DCC: variants seen among roughly 807,000 people sequenced by gnomAD.
The protein encoded by DCC is DCC netrin 1 receptor, also known as netrin receptor DCC.
A neutral mutation model predicts 172.5 loss-of-function variants in DCC; 58 were observed. That is an observed-to-expected ratio of 0.34 (90% CI 0.27 to 0.42). DCC has a LOEUF of 0.42. Among genes scored for constraint, DCC ranks in the 10% least tolerant of loss-of-function variants. The pLI is 1.00. For synonymous variants in DCC, 709 were observed against 644.5 expected (o/e 1.10, Z -1.52); for missense variants, 1,740 against 1,791.0 (o/e 0.97, Z 0.51).
chr18:52,908,918 GCACA>G (rs149514794), intron 3 of DCC, among the ~76,000 whole-genome samples: 5 of 151,848 alleles, frequency 3.3e-5, no homozygotes, highest in Non-Finnish European at 4.4e-5. Flanking sequence ...ACATGCATGC[GCACA>G]CACACACAGG....
chr18:52,692,182 A>G (rs2145014051), intron 1 of DCC, among the ~76,000 whole-genome samples: 1 of 152,268 alleles, frequency 6.6e-6, no homozygotes, highest in African/African-American at 2.4e-5. Context: ...CCCAAACTAA[A>G]AACAGTAATG....
intron 7 of DCC, among the ~76,000 whole-genome samples, chr18:53,086,016 C>CTTATTATTATTATTATTA (rs2042879696): frequency 2.2e-3 from 2 of 896 alleles, no homozygotes; most frequent in Non-Finnish European, 4.7e-3. Flanking sequence ...CCTTCTCCTT[C>CTTATTATTATTATTATTA]TCCCTCTCCC....
At chr18:52,575,056 A>G (rs1233186093) in intron 1 of DCC, among the ~76,000 whole-genome samples, 2 of 152,168 alleles carry the variant, frequency 1.3e-5, no homozygotes, top group Non-Finnish European at 2.9e-5. Context: ...TATAAGGATT[A>G]AGAGTCATAG....
intron 1 of DCC, among the ~76,000 whole-genome samples, chr18:52,528,282 A>G (rs562251371): frequency 1.3e-5 from 2 of 152,212 alleles, no homozygotes; most frequent in Non-Finnish European, 2.9e-5. Context: ...AGGCTGATAC[A>G]TATGTGCATA....
At chr18:52,390,209 C>A (rs186517373) in intron 1 of DCC, among the ~76,000 whole-genome samples, 114 of 152,230 alleles carry the variant, frequency 7.5e-4, no homozygotes, top group African/African-American at 2.7e-3. Context: ...ACATTTCTTC[C>A]ATGAATGTAT....
At chr18:53,438,121 A>G (rs918813096) in intron 22 of DCC, among the ~76,000 whole-genome samples, 1 of 152,242 alleles carries the variant, frequency 6.6e-6, no homozygotes, top group African/African-American at 2.4e-5. Context: ...CAACAGAGCC[A>G]ATTTTAAGAA....
chr18:52,428,076 T>C (rs1462785658), intron 1 of DCC, among the ~76,000 whole-genome samples: 1 of 152,056 alleles, frequency 6.6e-6, no homozygotes, highest in Admixed American at 6.6e-5. Context: ...ACTGTCCTTA[T>C]CAATCTCTTT....
At chr18:52,454,416 A>G (rs1439434856) in intron 1 of DCC, among the ~76,000 whole-genome samples, 1 of 152,174 alleles carries the variant, frequency 6.6e-6, no homozygotes, top group Non-Finnish European at 1.5e-5. Flanking sequence ...TGAAGCATCT[A>G]AAATTAATTT....
At chr18:52,474,216 GAGAGAGAGAGAGAGAGAGAGAGAGAGAA>G (rs1209817298) in intron 1 of DCC, among the ~76,000 whole-genome samples, 34 of 110,614 alleles carry the variant, frequency 3.1e-4, no homozygotes, top group Non-Finnish European at 6.2e-4. Flanking sequence ...TAGAGAGAGA[GAGAGAGAGAGAGAGAGAGAGAGAGAGAA>G]AGAGAGAGAA....
At chr18:53,247,111 C>T (rs567032940) in intron 12 of DCC, among the ~76,000 whole-genome samples, 6 of 152,140 alleles carry the variant, frequency 3.9e-5, no homozygotes, top group South Asian at 2.1e-4. Context: ...GTATCATGAG[C>T]CATGAAACTA....
chr18:53,296,314 C>G (rs2057067124), intron 12 of DCC, among the ~76,000 whole-genome samples: 2 of 152,116 alleles, frequency 1.3e-5, no homozygotes, highest in Admixed American at 1.3e-4. Flanking sequence ...TTCTCTTTCC[C>G]TTTTCCTCCC....
chr18:52,663,345 G>A lies in DCC; in HGVS notation c.92-88709G>A, dbSNP rs554843179. Among the ~76,000 whole-genome samples the A allele has an allele frequency of 2.3e-4, 35 of 152,222 alleles. 1 individual carries two copies. In the South Asian group the frequency reaches 5.0e-3, roughly 22 times the overall value. On this transcript the variant is annotated intron_variant, in intron 1 of 28. Transcript: ENST00000442544. ...GATCCTCTTCAGGAAAGAGGCAAAG[G>A]GAAGTTCTCAGGTGGTGCTAGAAGG...
At chr18:52,414,265 G>T (rs915898599) in intron 1 of DCC, among the ~76,000 whole-genome samples, 1 of 152,030 alleles carries the variant, frequency 6.6e-6, no homozygotes. Flanking sequence ...TGTATTTTTA[G>T]TAGAGACAGT....
At chr18:52,855,483 C>T (rs1000241595) in intron 2 of DCC, among the ~76,000 whole-genome samples, 1 of 152,096 alleles carries the variant, frequency 6.6e-6, no homozygotes, top group Non-Finnish European at 1.5e-5. Context: ...AGGACATGAC[C>T]GTGATGTGGT....
At chr18:53,056,020 C>T (rs2042398971) in intron 5 of DCC, among the ~76,000 whole-genome samples, 1 of 152,016 alleles carries the variant, frequency 6.6e-6, no homozygotes, top group South Asian at 2.1e-4. Flanking sequence ...GTATGTTTAA[C>T]ATGGAAGCTT....
At chr18:53,140,265 T>C (rs536497725) in intron 7 of DCC, among the ~76,000 whole-genome samples, 5 of 152,330 alleles carry the variant, frequency 3.3e-5, no homozygotes, top group Admixed American at 2.0e-4. Flanking sequence ...GAAAAACATA[T>C]GTTAAAACCC....
chr18:52,663,879 C>G (rs1468819651), intron 1 of DCC, among the ~76,000 whole-genome samples: 1 of 150,836 alleles, frequency 6.6e-6, no homozygotes, highest in Non-Finnish European at 1.5e-5. Flanking sequence ...AGAGCTGTGT[C>G]AGGAGATACT....
At chr18:52,513,041 A>C (rs1345449858) in intron 1 of DCC, among the ~76,000 whole-genome samples, 1 of 152,140 alleles carries the variant, frequency 6.6e-6, no homozygotes, top group Non-Finnish European at 1.5e-5. Context: ...TGATCCTGTG[A>C]TCCCTAAAGA....
chr18:53,078,865 A>G (rs2042759993), intron 7 of DCC, among the ~76,000 whole-genome samples: 1 of 152,120 alleles, frequency 6.6e-6, no homozygotes, highest in African/African-American at 2.4e-5. Context: ...CCCATCCTCA[A>G]ATTAAAACAC....
Sources: gnomAD v4.1 joint callset for allele counts (sites outside exome capture counted in the v4.1 genomes callset) on GRCh38, gnomAD v4.1.1 for gene constraint, MANE v1.5 for transcripts, NCBI Gene and HGNC (gene_info 2026-07-23, HGNC 2026-07-21) for gene names.